BPIFB6: variants seen among roughly 807,000 people sequenced by gnomAD.
BPIFB6 encodes the protein BPI fold-containing family B member 6.
Under a neutral mutation model 54.7 loss-of-function variants are expected in BPIFB6, and 47 were observed. The observed-to-expected ratio is 0.86, with a 90% CI of 0.68 to 1.10. The LOEUF (loss-of-function observed/expected upper bound fraction) is 1.10. Among genes scored for constraint, BPIFB6 ranks in the 50% least tolerant of loss-of-function variants. BPIFB6 has a pLI of 0.00. For missense variants in BPIFB6, 603 were observed against 564.1 expected, an observed-to-expected ratio of 1.07 and a Z score of -0.70; for synonymous variants, 255 against 225.9, an observed-to-expected ratio of 1.13 and a Z score of -1.16.
intron 2 of BPIFB6, chr20:33,033,477 C>T: frequency 2.2e-6 from 1 of 454,006 alleles, no homozygotes; most frequent in Non-Finnish European, 4.5e-6. Flanking sequence ...TCTGCCAGTG[C>T]CACATGAGAT....
chr20:33,033,354 T>C lies in BPIFB6; in HGVS notation c.197+271T>C, dbSNP rs939066749. ...TGAGGTTGGAAAGTCAAATTTCAAC[T>C]CTGCATGCAACATGAACTCATTGAA... On this transcript the variant is annotated intron_variant, in intron 2 of 14. Transcript: ENST00000349552. 5.4e-6 allele frequency: 3 copies of C among 550,792 alleles called. No homozygotes were observed. In the African/African-American group the frequency reaches 5.6e-5, roughly 10 times the overall value. 34.1% of individuals were successfully genotyped at this position (550,792 alleles called of 1,614,324 possible).
rs1481044432 is a variant in BPIFB6, at chr20:33,034,286, A to C, written c.298A>C (p.Lys100Gln). Reference protein sequence around the residue: ...CVSTGMTVTGKSFMGGNMEII... With the variant: ...CVSTGMTVTGQSFMGGNMEII... The stretch of plus-strand genomic sequence containing the variant: ...GTCCACAGGCATGACCGTCACTGGC[A>C]AGAGGTGAGTGTGGCAGGGGAGGGG... The change falls in exon 3 of 15, where the codon AAG becomes CAG. Residue 100 changes from lysine to glutamine, a missense_variant. Lys to Gln is a moderately conservative substitution (Grantham distance 53, BLOSUM62 1). Coordinates refer to ENST00000349552, the MANE Select transcript of BPIFB6 (RefSeq NM_174897.2). 2 of 1,610,542 alleles carry C rather than the reference A, an allele frequency of 1.2e-6. No individual in the cohort carries two copies. Among genetic ancestry groups the C allele is most frequent in the Non-Finnish European group, 1.7e-6 (2 of 1,176,800 alleles).
intron 9 of BPIFB6, 88 bp from the exon 10 acceptor site, chr20:33,039,259 A>T: frequency 1.5e-6 from 2 of 1,348,988 alleles, no homozygotes; most frequent in Non-Finnish European, 2.0e-6. Context: ...CCAACGTAGA[A>T]ATCACCTATG....
chr20:33,041,986 C>G lies in BPIFB6; in HGVS notation c.1159C>G (p.Arg387Gly). 1 of 1,614,150 alleles carries G rather than the reference C, an allele frequency of 6.2e-7. No individual in the cohort carries two copies. The highest frequency in any genetic ancestry group is 1.6e-4 in the Middle Eastern group (1 of 6,062). The change falls in exon 12 of 15, where the codon CGG becomes GGG. Residue 387 changes from arginine to glycine, a missense_variant. Arg to Gly is a moderately radical substitution (Grantham distance 125). Transcript: ENST00000349552. ...CCCCCACAGATTACTGAGCTTGTCC[C>G]GGAAGTCCTCATCGATTGGCAACTT... ...TSLDRLLSLS[R>G]KSSSIGNFNE... is the part of the protein sequence containing the mutation.
Position 33,037,654 on chromosome 20 carries a change from G to A in BPIFB6, c.762G>A (p.Ser254=), listed in dbSNP as rs201425357. 2.4e-5 allele frequency: 39 copies of A among 1,614,114 alleles called. 1 individual carries two copies. Among genetic ancestry groups the A allele is most frequent in the East Asian group, 2.0e-4 (9 of 44,872 alleles). The change falls in exon 8 of 15, where the codon TCG becomes TCA. Residue 254 remains serine, a synonymous_variant. Coordinates refer to ENST00000349552, the MANE Select transcript of BPIFB6 (RefSeq NM_174897.2). The part of the protein sequence containing the change: ...TFPEGYAKGS[S]QLLLPATFLS... ...CTGAGGGTTATGCCAAAGGCTCGTC[G>A]CAGCTGCTGCTCCCAGCCACCTTCC...
At chr20:33,037,982 C>T (rs1979416952) in intron 8 of BPIFB6, among the ~76,000 whole-genome samples, 1 of 152,152 alleles carries the variant, frequency 6.6e-6, no homozygotes, top group African/African-American at 2.4e-5. Context: ...CAACCTACAT[C>T]TCTAATGTCT....
intron 12 of BPIFB6, 99 bp from the exon 13 acceptor site, chr20:33,042,716 C>T: frequency 5.3e-6 from 6 of 1,138,564 alleles, no homozygotes; most frequent in South Asian, 1.4e-5. Flanking sequence ...CTAATATTCA[C>T]TTCTGTGGTC....
At position 33,043,320 on chromosome 20, in the gene BPIFB6, G is replaced by T. The variant is rs771597893; in HGVS notation, c.1282G>T (p.Asp428Tyr). 8.1e-6 allele frequency: 13 copies of T among 1,614,086 alleles called. No homozygotes were observed. Reference sequence around the variant, plus strand: ...GCTTCAAGTGGGGCTCCCACTCCCGGACTTTCTGGCCATGAATTACAACCT... The same window carrying T: ...GCTTCAAGTGGGGCTCCCACTCCCGTACTTTCTGGCCATGAATTACAACCT... The part of the protein sequence containing the change: ...DVLQVGLPLP[D>Y]FLAMNYNLAE... Residue 428 changes from aspartate (D) to tyrosine (Y), a missense_variant, in exon 14 of 15, where the codon GAC (aspartate) becomes TAC (tyrosine). Coordinates refer to ENST00000349552, the MANE Select transcript of BPIFB6 (RefSeq NM_174897.2).
chr20:33,039,538 C>T lies in BPIFB6; in HGVS notation c.1074+18C>T. ...TAGAAGTGGTGAGGGAAATCGTTCC[C>T]TTCCCCATTTATTCCCAATCTCTTG... On this transcript the variant is annotated intron_variant, in intron 10 of 14. Transcript: ENST00000349552. 1.9e-6 allele frequency: 3 copies of T among 1,590,178 alleles called. No homozygotes were observed. The highest frequency in any genetic ancestry group is 2.6e-6 in the Non-Finnish European group (3 of 1,168,922).
At position 33,032,884 on chromosome 20, in the gene BPIFB6, A is replaced by G. The variant is rs79438288; in HGVS notation, c.98-100A>G. 1,697 of 899,790 alleles carry G rather than the reference A, an allele frequency of 1.9e-3. 17 individuals are homozygous for G. In the African/African-American group the frequency reaches 0.025, roughly 13 times the overall value. The allele number at this position is 899,790 out of a possible 1,614,324, so 55.7% of individuals were successfully genotyped here. On this transcript the variant is annotated intron_variant, in intron 1 of 14. Coordinates refer to ENST00000349552, the MANE Select transcript of BPIFB6 (RefSeq NM_174897.2). ...TGGGACTCATCTCTGGGTCTCTGCC[A>G]TCGTCCAGCCCAGGGTGGGGCACAG...
Position 33,036,518 on chromosome 20 carries a change from C to T in BPIFB6, c.651C>T (p.Tyr217=), listed in dbSNP as rs962826114. 6.2e-7 allele frequency: 1 copy of T among 1,614,222 alleles called. No homozygotes were observed. Among genetic ancestry groups the T allele is most frequent in the Non-Finnish European group, 8.5e-7 (1 of 1,180,026 alleles). ...LMSAPATTAS[Y]IQLDFSPVVQ... ...CCGCACCAGCCACCACAGCCAGCTA[C>T]ATCCAACTGGACTTCAGTGTAAGCG... Residue 217 remains tyrosine, a synonymous_variant, in exon 7 of 15, where the codon TAC becomes TAT. Coordinates refer to ENST00000349552, the MANE Select transcript of BPIFB6 (RefSeq NM_174897.2).
intron 5 of BPIFB6, 75 bp from the exon 6 acceptor site, chr20:33,035,537 C>A: frequency 6.7e-7 from 1 of 1,487,798 alleles, no homozygotes; most frequent in Non-Finnish European, 9.4e-7. Context: ...TGGGATGGCC[C>A]GTGGTGTACC....
In BPIFB6 at chr20:33,041,966, A is replaced by C. The variant is rs1299137310; in HGVS notation, c.1143-4A>C. 9 of 1,613,294 alleles carry C rather than the reference A, an allele frequency of 5.6e-6. No homozygotes were observed. The highest frequency in any genetic ancestry group is 1.3e-5 in the African/African-American group (1 of 74,648). ...GCCTGGCTTGCTTCCCCACTCCCCC[A>C]CAGATTACTGAGCTTGTCCCGGAAG... is the stretch of plus-strand genomic sequence containing the variant. On this transcript the variant is annotated splice_polypyrimidine_tract_variant and splice_region_variant and intron_variant, in intron 11 of 14. Transcript: ENST00000349552.
rs11906855 is a variant in BPIFB6 at position 33,034,061 on chromosome 20, C to A, written c.198-125C>A. ...ATAATGGCCCCATGAATCATGCTTA[C>A]CCCCATGACATGGGATAGGAGGCCG... On this transcript the variant is annotated intron_variant, in intron 2 of 14. Transcript: ENST00000349552. The A allele has an allele frequency of 8.2e-3, 6,056 of 737,890 alleles. 241 individuals carry two copies. The African/African-American group carries it at 0.092, about 11-fold the overall frequency. The allele number at this position is 737,890 out of a possible 1,614,324, so 45.7% of individuals were successfully genotyped here. A position where few individuals can be genotyped will look rare whatever the true frequency, so the allele number is the denominator to read the frequency against.
At position 33,038,975 on chromosome 20, in the gene BPIFB6, C is replaced by T. The variant is rs749072256; in HGVS notation, c.900+13C>T. Reference sequence around the variant, plus strand: ...CTTCATTCCTGAAGTGAGTGCCCCACCTCCCCATCACCACTGCACCCTGTC... The same window carrying T: ...CTTCATTCCTGAAGTGAGTGCCCCATCTCCCCATCACCACTGCACCCTGTC... On this transcript the variant is annotated intron_variant, in intron 9 of 14. Transcript: ENST00000349552. 6.8e-6 allele frequency: 11 copies of T among 1,613,928 alleles called. No individual in the cohort carries two copies. The highest frequency in any genetic ancestry group is 1.1e-5 in the South Asian group (1 of 91,058).
chr20:33,040,907 G>C (rs1447441208), intron 11 of BPIFB6, among the ~76,000 whole-genome samples: 1 of 151,764 alleles, frequency 6.6e-6, no homozygotes, highest in Admixed American at 6.6e-5. Context: ...CGTTGCAAGA[G>C]AGAAAATTCC....
chr20:33,033,241 A>G (rs1261210792), intron 2 of BPIFB6, 158 bp downstream of exon 2: 8 of 698,224 alleles, frequency 1.1e-5, no homozygotes, highest in Non-Finnish European at 1.6e-5. Flanking sequence ...TGGGTAGGTC[A>G]CTGCTCCTGC....
chr20:33,043,520 C>T (rs1048781167), intron 14 of BPIFB6, among the ~76,000 whole-genome samples, 153 bp downstream of exon 14: 2 of 152,202 alleles, frequency 1.3e-5, no homozygotes, highest in African/African-American at 4.8e-5. Flanking sequence ...TAGAACACTC[C>T]TTGACCAGGG....
chr20:33,038,143 G>A (rs1250729047), intron 8 of BPIFB6, among the ~76,000 whole-genome samples: 1 of 151,930 alleles, frequency 6.6e-6, no homozygotes, highest in Non-Finnish European at 1.5e-5. Flanking sequence ...TACAAAGTCT[G>A]ATACTGTTGA....
Sources: gnomAD v4.1 joint callset for allele counts (sites outside exome capture counted in the v4.1 genomes callset) on GRCh38, gnomAD v4.1.1 for gene constraint, MANE v1.5 for transcripts, NCBI Gene and HGNC (gene_info 2026-07-23, HGNC 2026-07-21) for gene names.